The following PITPNM1 variants were observed in gnomAD, a reference collection of about 807,000 sequenced individuals.
PITPNM1 encodes the protein phosphatidylinositol transfer protein membrane associated 1, also known as membrane-associated phosphatidylinositol transfer protein 1.
PITPNM1 carries 74 observed loss-of-function variants against 133.3 expected under a neutral mutation model. The observed-to-expected ratio is 0.56, with a 90% CI of 0.46 to 0.67. The LOEUF is 0.67. Ranked by LOEUF, PITPNM1 falls within the 30% of genes least tolerant of loss-of-function variation. The pLI is 0.00. For synonymous variants in PITPNM1, 738 were observed against 741.4 expected, an observed-to-expected ratio of 1.00 and a Z score of 0.08; for missense variants, 1,398 against 1,739.5, an observed-to-expected ratio of 0.80 and a Z score of 3.49.
In PITPNM1 at chr11:67,496,257, C is replaced by A. The variant is rs774692847; in HGVS notation, c.2238G>T (p.Pro746=). The change falls in exon 15 of 24, where the codon CCG becomes CCT. Residue 746 remains proline (P), a synonymous_variant. Transcript: ENST00000356404. Reference sequence around the variant, plus strand: ...TCAGTGGGGCGATGGCCTGGAACTTCGGGGCCAGCAGGGGCTCGAGGCGTG... The same window carrying A: ...TCAGTGGGGCGATGGCCTGGAACTTAGGGGCCAGCAGGGGCTCGAGGCGTG... ...CASRLEPLLA[P]KFQAIAPLTV... is the part of the protein sequence containing the mutation. The A allele has an allele frequency of 1.9e-6, 3 of 1,559,280 alleles. No individual in the cohort carries two copies. Among genetic ancestry groups the A allele is most frequent in the Non-Finnish European group, 2.6e-6 (3 of 1,160,420 alleles).
intron 20 of PITPNM1, 41 bp from the exon 21 acceptor site, chr11:67,493,878 G>T: frequency 6.6e-7 from 1 of 1,522,180 alleles, no homozygotes; most frequent in Non-Finnish European, 8.8e-7. Flanking sequence ...GCGGGGCGAG[G>T]CCTGGCGGAG....
intron 8 of PITPNM1, 30 bp from the exon 9 acceptor site, chr11:67,499,031 C>T (rs145713580): frequency 8.7e-5 from 139 of 1,591,564 alleles, no homozygotes; most frequent in South Asian, 2.7e-4. Context: ...GTGAGAGGGA[C>T]GGAGAGGACC....
intron 12 of PITPNM1, 98 bp downstream of exon 12, chr11:67,497,819 C>T (rs1591059486): frequency 2.1e-6 from 3 of 1,448,660 alleles, no homozygotes; most frequent in Non-Finnish European, 1.9e-6. Flanking sequence ...CAGCAGGGGG[C>T]CTGCCTGCTG....
intron 5 of PITPNM1, among the ~76,000 whole-genome samples, 156 bp from the exon 6 acceptor site, chr11:67,500,577 G>A (rs11604662): frequency 0.23 from 34,671 of 152,106 alleles, 5,002 homozygotes; most frequent in Non-Finnish European, 0.34. Context: ...AGGAATGGGA[G>A]TGGAAAGTGG....
Position 67,491,907 on chromosome 11 carries a change from T to G in PITPNM1, c.*126A>C. Reference sequence around the variant, plus strand: ...AGTAACACCGAGGAGCACACGGAGATATAGGGTGTGGGGCTGGGGGGGCCA... The same window carrying G: ...AGTAACACCGAGGAGCACACGGAGAGATAGGGTGTGGGGCTGGGGGGGCCA... On this transcript the variant is annotated 3_prime_UTR_variant, in exon 24 of 24. Coordinates refer to ENST00000356404, the MANE Select transcript of PITPNM1 (RefSeq NM_004910.3). The G allele has an allele frequency of 3.0e-6, 3 of 1,011,960 alleles. No homozygotes were observed. Among genetic ancestry groups the G allele is most frequent in the Middle Eastern group, 3.2e-4 (1 of 3,156 alleles). 62.7% of individuals were successfully genotyped at this position (1,011,960 alleles called of 1,614,324 possible).
Position 67,494,233 on chromosome 11 carries a change from T to C in PITPNM1, c.2859+11A>G, listed in dbSNP as rs2134274878. On this transcript the variant is annotated intron_variant, in intron 19 of 23. Coordinates refer to ENST00000356404, the MANE Select transcript of PITPNM1 (RefSeq NM_004910.3). ...CCATGGGACCAGGCGACAGGGCCTC[T>C]GGGTCCTGACCTTCTCTCCAGTGAG... is the stretch of plus-strand genomic sequence containing the variant. 6.2e-7 allele frequency: 1 copy of C among 1,608,592 alleles called. No individual in the cohort carries two copies. The highest frequency in any genetic ancestry group is 8.5e-7 in the Non-Finnish European group (1 of 1,176,120).
chr11:67,497,069 G>A, intron 14 of PITPNM1, 162 bp downstream of exon 14: 1 of 583,752 alleles, frequency 1.7e-6, no homozygotes, highest in Non-Finnish European at 2.9e-6. Context: ...CCCTTGGCGA[G>A]TCCCTTCTTT....
intron 8 of PITPNM1, 74 bp from the exon 9 acceptor site, chr11:67,499,075 C>T: frequency 6.9e-7 from 1 of 1,454,132 alleles, no homozygotes; most frequent in Admixed American, 2.0e-5. Flanking sequence ...TTCAGGCACC[C>T]CAGTTCTGGC....
intron 18 of PITPNM1, 94 bp from the exon 19 acceptor site, chr11:67,494,454 G>T: frequency 5.9e-6 from 5 of 840,386 alleles, no homozygotes; most frequent in Non-Finnish European, 9.1e-6. Context: ...AAACACCGGG[G>T]TGGGGGCCTA....
chr11:67,497,677 G>A lies in PITPNM1; in HGVS notation c.1785C>T (p.Asn595=), dbSNP rs1464027753. 6.2e-7 allele frequency: 1 copy of A among 1,609,988 alleles called. No individual in the cohort carries two copies. The highest frequency in any genetic ancestry group is 8.5e-7 in the Non-Finnish European group (1 of 1,179,172). The part of the protein sequence containing the change: ...SRGSSRRGSM[N]NELLSPEFGP... ...CAAACTCCGGAGAGAGCAGCTCATTGTTCTGGATGGAACAGGAGACAGAAA... is the reference window on the plus strand; with the variant it reads ...CAAACTCCGGAGAGAGCAGCTCATTATTCTGGATGGAACAGGAGACAGAAA... Residue 595 remains asparagine (N), a splice_region_variant and synonymous_variant, in exon 13 of 24, where the codon AAC becomes AAT. Transcript: ENST00000356404.
intron 15 of PITPNM1, among the ~76,000 whole-genome samples, 156 bp downstream of exon 15, chr11:67,496,022 G>C (rs1232629600): frequency 6.6e-6 from 1 of 152,202 alleles, no homozygotes; most frequent in African/African-American, 2.4e-5. Context: ...GGGTCCTGGG[G>C]ATCCAGACCC....
intron 23 of PITPNM1, 68 bp from the exon 24 acceptor site, chr11:67,492,364 C>T (rs777631999): frequency 9.9e-5 from 142 of 1,440,092 alleles, no homozygotes; most frequent in Non-Finnish European, 1.2e-4. Flanking sequence ...CTCCACGGTC[C>T]TCCAGAGGCA....
chr11:67,497,284 G>A lies in PITPNM1; in HGVS notation c.2093C>T (p.Ser698Phe). 6.2e-7 allele frequency: 1 copy of A among 1,612,510 alleles called. No individual in the cohort carries two copies. Among genetic ancestry groups the A allele is most frequent in the Non-Finnish European group, 8.5e-7 (1 of 1,179,646 alleles). Reference sequence around the variant, plus strand: ...CAGAGCCAGCACCAGGCCCAGTGGGGAGCCGAAGAGGAAGAAGCCAGAGAC... The same window carrying A: ...CAGAGCCAGCACCAGGCCCAGTGGGAAGCCGAAGAGGAAGAAGCCAGAGAC... ...FKVSGFFLFG[S>F]PLGLVLALRK... The change falls in exon 14 of 24, where the codon TCC (serine) becomes TTC (phenylalanine). Residue 698 changes from serine to phenylalanine, a missense_variant. This residue lies in a region of PITPNM1 where 574 missense variants were observed against 698.7 expected (regional missense o/e 0.82). Transcript: ENST00000356404.
At position 67,502,497 on chromosome 11, in the gene PITPNM1, C is replaced by T; in HGVS notation, c.293+7G>A. The T allele has an allele frequency of 3.1e-6, 5 of 1,613,754 alleles. No individual in the cohort carries two copies. The highest frequency in any genetic ancestry group is 2.2e-5 in the South Asian group (2 of 91,092). On this transcript the variant is annotated splice_region_variant and intron_variant, in intron 3 of 23. Transcript: ENST00000356404. This position sits in a 1 kb window ranked among gnomAD's most constrained non-coding sequence, Gnocchi z 5.9. ...GGCCTCGGACCATGCCCAGCTCACCCACTCACCGGGTTCGGGTGTAGGGGT... is the reference window on the plus strand; with the variant it reads ...GGCCTCGGACCATGCCCAGCTCACCTACTCACCGGGTTCGGGTGTAGGGGT...
intron 2 of PITPNM1, among the ~76,000 whole-genome samples, chr11:67,503,246 G>A (rs1866391393): frequency 6.6e-6 from 1 of 152,214 alleles, no homozygotes; most frequent in Non-Finnish European, 1.5e-5. Context: ...AGGTGAGGTA[G>A]GAGGAGGTGC....
chr11:67,497,838 G>C (rs1319822063), intron 12 of PITPNM1, 79 bp downstream of exon 12: 1 of 1,486,690 alleles, frequency 6.7e-7, no homozygotes, highest in African/African-American at 1.4e-5. Context: ...TGGCAGAGGG[G>C]TGGCATTCCA....
intron 22 of PITPNM1, 42 bp downstream of exon 22, chr11:67,493,368 G>A (rs779730035): frequency 2.3e-5 from 35 of 1,508,308 alleles, no homozygotes; most frequent in South Asian, 6.3e-5. Context: ...AAGGGGGAGC[G>A]GGGGCGGGGT....
intron 15 of PITPNM1, among the ~76,000 whole-genome samples, chr11:67,495,829 C>T (rs751713811): frequency 9.2e-5 from 14 of 152,244 alleles, no homozygotes; most frequent in Non-Finnish European, 2.1e-4. Flanking sequence ...AACACAGGCC[C>T]GCTTGGCCCA....
chr11:67,499,404 G>A (rs984454346), intron 8 of PITPNM1, among the ~76,000 whole-genome samples: 1 of 151,502 alleles, frequency 6.6e-6, no homozygotes, highest in African/African-American at 2.4e-5. Context: ...TGGGCAGCAT[G>A]GACCTAGAAG....
Sources: gnomAD v4.1 joint callset for allele counts (sites outside exome capture counted in the v4.1 genomes callset) on GRCh38, gnomAD v4.1.1 for gene constraint, gnomAD v4.1.1 regional missense constraint, Gnocchi (gnomAD v3.1) non-coding constraint, MANE v1.5 for transcripts, NCBI Gene and HGNC (gene_info 2026-07-23, HGNC 2026-07-21) for gene names.